The following SRBD1 variants were observed in gnomAD, a reference collection of about 807,000 sequenced individuals.
SRBD1 encodes the protein S1 RNA-binding domain-containing protein 1.
SRBD1 carries 88 observed loss-of-function variants against 115.3 expected under a neutral mutation model. The ratio of observed to expected loss-of-function variants is 0.76; its 90% CI spans 0.64 to 0.91. The LOEUF is 0.91. Ranked by LOEUF, SRBD1 falls within the 40% of genes least tolerant of loss-of-function variation. The probability of loss-of-function intolerance (pLI) is 0.00; values close to 1 mark genes in which losing one functional copy is unlikely to be tolerated. For missense variants in SRBD1, 1,385 were observed against 1,177.4 expected (o/e 1.18, Z -2.58); for synonymous variants, 509 against 407.7 (o/e 1.25, Z -2.99).
chr2:45,570,461 G>C (rs910789045), intron 9 of SRBD1, among the ~76,000 whole-genome samples: 3 of 152,194 alleles, frequency 2.0e-5, no homozygotes, highest in Non-Finnish European at 2.9e-5. Context: ...GGAATAGAAT[G>C]AGGAGTGTGC....
At chr2:45,586,791 C>T (rs1039772579) in intron 4 of SRBD1, among the ~76,000 whole-genome samples, 15 of 151,344 alleles carry the variant, frequency 9.9e-5, no homozygotes, top group African/African-American at 3.2e-4. Flanking sequence ...AAGCAATCCT[C>T]CCGTCTCAGC....
intron 14 of SRBD1, among the ~76,000 whole-genome samples, chr2:45,534,410 G>A (rs912565629): frequency 1.3e-5 from 2 of 151,824 alleles, no homozygotes; most frequent in Non-Finnish European, 1.5e-5. Flanking sequence ...AAATGGAGAT[G>A]AATATCAATA....
At chr2:45,603,618 C>T (rs1674169800) in intron 2 of SRBD1, among the ~76,000 whole-genome samples, 1 of 152,174 alleles carries the variant, frequency 6.6e-6, no homozygotes, top group South Asian at 2.1e-4. Context: ...CAACCTCCAC[C>T]TCCTGGGTTC....
At chr2:45,595,413 T>C (rs1295240616) in intron 4 of SRBD1, among the ~76,000 whole-genome samples, 1 of 152,234 alleles carries the variant, frequency 6.6e-6, no homozygotes, top group African/African-American at 2.4e-5. Context: ...CAACCATTCC[T>C]TGCTAACTAG....
chr2:45,573,285 C>A lies in SRBD1; in HGVS notation c.1227G>T (p.Lys409Asn), dbSNP rs781628620. ...QSSLAKVSSK[K>N]VNEKDVDKFL... ...ACTTATCAACATCTTTCTCATTTAC[C>A]TTTTTTGAGGATACTTTTGCCAGAG... Residue 409 changes from lysine (K) to asparagine (N), a missense_variant, in exon 9 of 21, where the codon AAG becomes AAT. By Grantham distance (94) the Lys-to-Asn change is moderately conservative (BLOSUM62 0). Transcript: ENST00000263736. The A allele has an allele frequency of 1.9e-6, 3 of 1,611,908 alleles. No homozygotes were observed. The highest frequency in any genetic ancestry group is 2.5e-6 in the Non-Finnish European group (3 of 1,179,208).
chr2:45,550,427 T>TACCTTCAAAGGAACAATAACAGTA (rs1672259582), intron 12 of SRBD1, among the ~76,000 whole-genome samples: 1 of 150,050 alleles, frequency 6.7e-6, no homozygotes, highest in Non-Finnish European at 1.5e-5. Flanking sequence ...AAGGACATAT[T>TACCTTCAAAGGAACAATAACAGTA]ACCTTCAAAG....
chr2:45,467,179 C>T (rs1030419225), intron 16 of SRBD1, among the ~76,000 whole-genome samples: 3 of 152,176 alleles, frequency 2.0e-5, no homozygotes, highest in Admixed American at 6.5e-5. Flanking sequence ...TGCTAGTCTA[C>T]TGACTGTATT....
chr2:45,553,594 C>T (rs1290725171), intron 11 of SRBD1, 29 bp downstream of exon 11: 3 of 1,448,972 alleles, frequency 2.1e-6, no homozygotes, highest in Non-Finnish European at 2.8e-6. Flanking sequence ...ATAATCAGTA[C>T]ACAAAATTAA....
At chr2:45,593,168 CTA>C in intron 4 of SRBD1, among the ~76,000 whole-genome samples, 1 of 152,216 alleles carries the variant, frequency 6.6e-6, no homozygotes, top group African/African-American at 2.4e-5. Context: ...GCTAATTCCT[CTA>C]TAGAGTCTAT....
chr2:45,551,187 G>C lies in SRBD1; in HGVS notation c.1613C>G (p.Thr538Ser), dbSNP rs537895296. The change falls in exon 12 of 21, where the codon ACC becomes AGC. Residue 538 changes from threonine (T) to serine (S), a missense_variant. Physicochemically the swap from Thr to Ser is moderately conservative, Grantham distance 58. Coordinates refer to ENST00000263736, the MANE Select transcript of SRBD1 (RefSeq NM_018079.5). Reference protein sequence around the residue: ...LLLTSPVPGRTLMGVDPGYKH... With the variant: ...LLLTSPVPGRSLMGVDPGYKH... The stretch of plus-strand genomic sequence containing the variant: ...ATAACCAGGATCCACTCCCATTAAG[G>C]TGCGCCCTGGAACAGGGCTTGTTAA... 7.4e-6 allele frequency: 12 copies of C among 1,612,648 alleles called. No homozygotes were observed. The highest frequency in any genetic ancestry group is 1.7e-6 in the Non-Finnish European group (2 of 1,179,726).
chr2:45,573,953 G>C (rs1673098419), intron 8 of SRBD1, among the ~76,000 whole-genome samples: 1 of 152,118 alleles, frequency 6.6e-6, no homozygotes, highest in African/African-American at 2.4e-5. Context: ...TATGTGGAGG[G>C]AGAGAGAGGA....
intron 14 of SRBD1, among the ~76,000 whole-genome samples, chr2:45,496,965 T>C: frequency 6.6e-6 from 1 of 152,204 alleles, no homozygotes; most frequent in Middle Eastern, 3.2e-3. Context: ...TCTTTTCTAA[T>C]CATAGTTTTT....
chr2:45,488,044 A>C (rs2103853441), intron 15 of SRBD1, among the ~76,000 whole-genome samples, 196 bp downstream of exon 15: 1 of 152,304 alleles, frequency 6.6e-6, no homozygotes, highest in East Asian at 1.9e-4. Flanking sequence ...TTCTTTTAAA[A>C]AGTACAATAT....
intron 16 of SRBD1, among the ~76,000 whole-genome samples, chr2:45,475,415 G>A (rs2103815108): frequency 6.6e-6 from 1 of 152,188 alleles, no homozygotes; most frequent in South Asian, 2.1e-4. Context: ...ATCAGATTGT[G>A]CCACCCCCCC....
At chr2:45,550,636 C>T (rs2104050161) in intron 12 of SRBD1, among the ~76,000 whole-genome samples, 2 of 152,076 alleles carry the variant, frequency 1.3e-5, no homozygotes, top group Middle Eastern at 3.4e-3. Flanking sequence ...CAATGTGACT[C>T]ATTAAAAGTA....
intron 1 of SRBD1, among the ~76,000 whole-genome samples, chr2:45,610,814 G>C (rs1198699538): frequency 6.6e-6 from 1 of 152,086 alleles, no homozygotes; most frequent in African/African-American, 2.4e-5. Context: ...TGTAGCCCCA[G>C]CTACTCGGGA....
intron 14 of SRBD1, among the ~76,000 whole-genome samples, chr2:45,539,384 C>G (rs981359028): frequency 3.9e-5 from 6 of 152,022 alleles, no homozygotes; most frequent in Non-Finnish European, 8.8e-5. Context: ...AAATAGAAAA[C>G]CCAGGATCCA....
intron 16 of SRBD1, among the ~76,000 whole-genome samples, 184 bp downstream of exon 16, chr2:45,476,809 C>A (rs1395906216): frequency 6.6e-6 from 1 of 152,134 alleles, no homozygotes; most frequent in African/African-American, 2.4e-5. Context: ...ATCATTAACA[C>A]GAGAACAACA....
intron 15 of SRBD1, among the ~76,000 whole-genome samples, chr2:45,481,021 G>C (rs1403499285): frequency 6.6e-6 from 1 of 152,084 alleles, no homozygotes; most frequent in Non-Finnish European, 1.5e-5. Flanking sequence ...CACCACTCTG[G>C]TCAGCAACCA....
Sources: allele counts gnomAD v4.1 joint callset (sites outside exome capture counted in the v4.1 genomes callset), GRCh38; gene constraint gnomAD v4.1.1; transcripts MANE v1.5; gene names NCBI Gene and HGNC (gene_info 2026-07-23, HGNC 2026-07-21).